Variants in CRIM1 observed in about 807,000 individuals in gnomAD.
CRIM1 encodes the protein cysteine rich transmembrane BMP regulator 1, also known as cysteine-rich motor neuron 1 protein.
Under a neutral mutation model 116.4 loss-of-function variants are expected in CRIM1, and 32 were observed. The ratio of observed to expected loss-of-function variants is 0.27; its 90% CI spans 0.21 to 0.37. CRIM1 has a LOEUF of 0.37. CRIM1 is among the 10% of genes least tolerant of loss of function. The pLI, the probability that CRIM1 is intolerant of heterozygous loss-of-function variation, is 1.00. For synonymous variants in CRIM1, 590 were observed against 509.2 expected (o/e 1.16, Z -2.13); for missense variants, 1,331 against 1,354.8 (o/e 0.98, Z 0.28).
intron 2 of CRIM1, among the ~76,000 whole-genome samples, chr2:36,420,680 A>AAG (rs1027756386): frequency 3.9e-5 from 6 of 152,188 alleles, no homozygotes; most frequent in Non-Finnish European, 7.3e-5. Flanking sequence ...CAGGATAATT[A>AAG]AGAGTTTGCC....
intron 5 of CRIM1, among the ~76,000 whole-genome samples, chr2:36,473,698 C>G (rs76276129): frequency 7.9e-5 from 12 of 152,048 alleles, no homozygotes; most frequent in Non-Finnish European, 1.6e-4. Context: ...TATTGCATAT[C>G]AGAACTTCAT....
At chr2:36,367,890 C>G (rs1031648296) in intron 1 of CRIM1, among the ~76,000 whole-genome samples, 2 of 152,162 alleles carry the variant, frequency 1.3e-5, no homozygotes, top group Admixed American at 1.3e-4. Context: ...GCTGCCTTCC[C>G]TTTCTCCATT....
intron 7 of CRIM1, among the ~76,000 whole-genome samples, chr2:36,488,308 G>A (rs986847209): frequency 1.3e-5 from 2 of 152,184 alleles, no homozygotes; most frequent in Non-Finnish European, 2.9e-5. Flanking sequence ...CGCCTCTTGC[G>A]CATGTGTGGG....
At chr2:36,455,133 C>T (rs1677037912) in intron 4 of CRIM1, among the ~76,000 whole-genome samples, 1 of 152,104 alleles carries the variant, frequency 6.6e-6, no homozygotes, top group Non-Finnish European at 1.5e-5. Context: ...CCATTGTGAT[C>T]AGCAGATAGG....
At position 36,356,997 on chromosome 2, in the gene CRIM1, G is replaced by C. The variant is rs1195123287; in HGVS notation, c.331+374G>C. Among the ~76,000 whole-genome samples, 2 of 152,168 alleles carry C rather than the reference G, an allele frequency of 1.3e-5. No homozygotes were observed. Among genetic ancestry groups the C allele is most frequent in the African/African-American group, 4.8e-5 (2 of 41,464 alleles). ...AGATTCTGCCGCGCGCGAGCCCCTCGGGGAGCCCGGCCCTACCGCCCTCCC... is the reference window on the plus strand; with the variant it reads ...AGATTCTGCCGCGCGCGAGCCCCTCCGGGAGCCCGGCCCTACCGCCCTCCC... On this transcript the variant is annotated intron_variant, in intron 1 of 16. Coordinates refer to ENST00000280527, the MANE Select transcript of CRIM1 (RefSeq NM_016441.3). This position sits in a 1 kb window ranked among gnomAD's most constrained non-coding sequence, Gnocchi z 4.3.
chr2:36,390,213 T>TA (rs1572623240), intron 1 of CRIM1, among the ~76,000 whole-genome samples: 1 of 152,130 alleles, frequency 6.6e-6, no homozygotes, highest in East Asian at 1.9e-4. Flanking sequence ...TTCACTCTTA[T>TA]AAAGCAAATA....
intron 4 of CRIM1, among the ~76,000 whole-genome samples, chr2:36,447,912 C>G (rs963641646): frequency 7.2e-5 from 11 of 152,176 alleles, no homozygotes; most frequent in Admixed American, 7.2e-4. Context: ...AGGTGAAATT[C>G]GGGCAGCATT....
chr2:36,357,473 A>G (rs1668929368), intron 1 of CRIM1, among the ~76,000 whole-genome samples: 1 of 151,780 alleles, frequency 6.6e-6, no homozygotes, highest in South Asian at 2.1e-4. Flanking sequence ...TGACGGTGGG[A>G]GAAACAGATT....
At chr2:36,526,954 G>A (rs1228041694) in intron 13 of CRIM1, among the ~76,000 whole-genome samples, 1 of 152,062 alleles carries the variant, frequency 6.6e-6, no homozygotes, top group African/African-American at 2.4e-5. Context: ...CTCATGTGTT[G>A]GCTAAGTCTT....
intron 7 of CRIM1, 55 bp from the exon 8 acceptor site, chr2:36,499,164 A>T (rs1680808824): frequency 1.4e-6 from 2 of 1,380,816 alleles, no homozygotes. Flanking sequence ...ATTGAATAGC[A>T]TCTAAAAGGT....
intron 2 of CRIM1, among the ~76,000 whole-genome samples, chr2:36,409,059 G>T (rs1673023282): frequency 6.6e-6 from 1 of 150,604 alleles, no homozygotes; most frequent in African/African-American, 2.4e-5. Flanking sequence ...AATTAAAAAA[G>T]AAAATAATTT....
At chr2:36,470,902 A>G (rs183498714) in intron 5 of CRIM1, among the ~76,000 whole-genome samples, 2 of 152,338 alleles carry the variant, frequency 1.3e-5, no homozygotes, top group Admixed American at 1.3e-4. Flanking sequence ...AGATGCCATT[A>G]AGAACACAGG....
Position 36,396,626 on chromosome 2 carries a change from C to G in CRIM1, c.344C>G (p.Thr115Ser), listed in dbSNP as rs1672047529. The G allele has an allele frequency of 6.2e-7, 1 of 1,602,734 alleles. No homozygotes were observed. Residue 115 changes from threonine (T) to serine (S), a missense_variant, in exon 2 of 17, where the codon ACT (threonine) becomes AGT (serine). By Grantham distance (58) the Thr-to-Ser change is moderately conservative. This residue lies in a region of CRIM1 where 690 missense variants were observed against 676.0 expected (regional missense o/e 1.02). Transcript: ENST00000280527. ...AATTGTTTTACAGATGAGAACTGGA[C>G]TGATGACCAACTGCTTGGTTTTAAA... Reference protein sequence around the residue: ...EAGVCEDENWTDDQLLGFKPC... With the variant: ...EAGVCEDENWSDDQLLGFKPC...
intron 13 of CRIM1, 123 bp downstream of exon 13, chr2:36,522,436 C>G (rs1261097507): frequency 5.5e-6 from 4 of 726,994 alleles, no homozygotes; most frequent in Non-Finnish European, 9.6e-6. Flanking sequence ...ACATGTCACA[C>G]AGACCCAGTG....
intron 1 of CRIM1, among the ~76,000 whole-genome samples, chr2:36,365,897 C>T (rs1285025389): frequency 6.6e-6 from 1 of 151,980 alleles, no homozygotes; most frequent in Non-Finnish European, 1.5e-5. Context: ...CCACGCCCAA[C>T]TACTTTGTGT....
intron 2 of CRIM1, among the ~76,000 whole-genome samples, chr2:36,434,608 G>A (rs561385651): frequency 3.0e-4 from 45 of 152,278 alleles, no homozygotes; most frequent in African/African-American, 1.0e-3. Context: ...GAGTAGAGGC[G>A]TGCCCCACAC....
At chr2:36,541,327 C>A (rs1038147471) in intron 14 of CRIM1, among the ~76,000 whole-genome samples, 1 of 152,218 alleles carries the variant, frequency 6.6e-6, no homozygotes, top group South Asian at 2.1e-4. Context: ...TAGCAACTAA[C>A]ATTCTGAATA....
At chr2:36,476,523 C>T (rs1433865977) in intron 5 of CRIM1, among the ~76,000 whole-genome samples, 1 of 152,106 alleles carries the variant, frequency 6.6e-6, no homozygotes, top group Non-Finnish European at 1.5e-5. Context: ...AATGTGGAGG[C>T]AGGATCATTC....
intron 4 of CRIM1, among the ~76,000 whole-genome samples, chr2:36,455,105 G>A (rs998855625): frequency 1.3e-5 from 2 of 152,120 alleles, no homozygotes; most frequent in Admixed American, 6.5e-5. Context: ...ATGGGCCAGG[G>A]AGAACTGGAA....
Sources: gnomAD v4.1 joint callset for allele counts (sites outside exome capture counted in the v4.1 genomes callset) on GRCh38, gnomAD v4.1.1 for gene constraint, gnomAD v4.1.1 regional missense constraint, Gnocchi (gnomAD v3.1) non-coding constraint, MANE v1.5 for transcripts, NCBI Gene and HGNC (gene_info 2026-07-23, HGNC 2026-07-21) for gene names.